LAMP2: variants seen among roughly 807,000 people sequenced by gnomAD.
The protein encoded by LAMP2 is lysosome associated membrane protein 2, also known as lysosome-associated membrane glycoprotein 2.
LAMP2 carries 4 observed loss-of-function variants against 25.6 expected under a neutral mutation model. The observed-to-expected ratio is 0.16, with a 90% CI of 0.08 to 0.36. LAMP2 has a LOEUF of 0.36. LAMP2 is among the 10% of genes least tolerant of loss of function. The pLI, the probability that LAMP2 is intolerant of heterozygous loss-of-function variation, is 1.00. For synonymous variants in LAMP2, 108 were observed against 112.7 expected, an observed-to-expected ratio of 0.96 and a Z score of 0.27; for missense variants, 272 against 301.4, an observed-to-expected ratio of 0.90 and a Z score of 0.72.
At chrX:120,432,631 T>C (rs1263726609) in intron 8 of LAMP2, among the ~76,000 whole-genome samples, 1 of 111,599 alleles carries the variant, frequency 9.0e-6, no homozygotes, top group Admixed American at 9.5e-5. Context: ...GAGGAGGAGA[T>C]AATAGAATGG....
chrX:120,428,380 G>A lies in LAMP2; in HGVS notation c.*2943C>T. 1 of 1,018,566 alleles carries A rather than the reference G, an allele frequency of 9.8e-7. No individual in the cohort carries two copies. The highest frequency in any genetic ancestry group is 1.3e-6 in the Non-Finnish European group (1 of 792,404). The allele number at this position is 1,018,566 out of a possible 1,213,427, so 83.9% of individuals were successfully genotyped here. A position where few individuals can be genotyped will look rare whatever the true frequency, so the allele number is the denominator to read the frequency against. ...GTTAGCTAGGAACTCACTGAAGTTA[G>A]TCTGCATATCTTAAACAATCTATTG... On this transcript the variant is annotated 3_prime_UTR_variant, in exon 9 of 9. Coordinates refer to ENST00000200639, the MANE Select transcript of LAMP2 (RefSeq NM_002294.3).
At position 120,455,419 on chromosome X, in the gene LAMP2, T is replaced by C. The variant is rs759658269; in HGVS notation, c.335A>G (p.Asp112Gly). The change falls in exon 3 of 9, where the codon GAC becomes GGC. Residue 112 changes from aspartate to glycine, a missense_variant. By Grantham distance (94) the Asp-to-Gly change is moderately conservative. Transcript: ENST00000200639. ...AGTGTTGTAGGAAAATGAGACGCTG[T>C]CAATTGAATAAGTAGATGCTGCCTT... is the stretch of plus-strand genomic sequence containing the variant. ...FTKAASTYSI[D>G]SVSFSYNTGD... The C allele has an allele frequency of 9.1e-6, 11 of 1,210,572 alleles. No individual in the cohort carries two copies. The highest frequency in any genetic ancestry group is 1.2e-5 in the Non-Finnish European group (11 of 894,689).
At chrX:120,458,198 T>C (rs377403896) in intron 1 of LAMP2, among the ~76,000 whole-genome samples, 2 of 112,274 alleles carry the variant, frequency 1.8e-5, no homozygotes, top group South Asian at 7.4e-4. Context: ...TTGCTTTTTA[T>C]ATGCAGTCTT....
At chrX:120,431,620 T>C (rs1319621646) in intron 8 of LAMP2, among the ~76,000 whole-genome samples, 158 bp from the exon 9 acceptor site, 1 of 112,739 alleles carries the variant, frequency 8.9e-6, no homozygotes, top group Non-Finnish European at 1.9e-5. Context: ...AATGAGATGT[T>C]CCACAAAAGT....
chrX:120,457,259 C>T (rs1010174915), intron 1 of LAMP2, among the ~76,000 whole-genome samples: 12 of 111,490 alleles, frequency 1.1e-4, no homozygotes, highest in African/African-American at 3.3e-4. Flanking sequence ...GAAACATTCA[C>T]TGCAAAAATA....
intron 8 of LAMP2, among the ~76,000 whole-genome samples, chrX:120,439,802 C>T (rs1437389285): frequency 3.6e-5 from 4 of 110,130 alleles, no homozygotes; most frequent in Non-Finnish European, 7.6e-5. Flanking sequence ...GCTAATCTAG[C>T]CCACTTTTAC....
At chrX:120,438,692 TCACACACACACACACACACA>T in intron 8 of LAMP2, 1 of 662,427 alleles carries the variant, frequency 1.5e-6, no homozygotes, top group Non-Finnish European at 1.8e-6. Flanking sequence ...CAAACAAAAA[TCACACACACACACACACACA>T]CACACACACA....
intron 7 of LAMP2, among the ~76,000 whole-genome samples, chrX:120,442,173 T>C (rs1265349510): frequency 9.9e-6 from 1 of 100,998 alleles, no homozygotes; most frequent in Non-Finnish European, 2.0e-5. Context: ...AACCTGGGAT[T>C]GAGCTGTGGT....
chrX:120,453,450 A>G (rs2058630599), intron 3 of LAMP2, among the ~76,000 whole-genome samples: 1 of 112,103 alleles, frequency 8.9e-6, no homozygotes, highest in Admixed American at 9.5e-5. Context: ...CTAAGCTACT[A>G]CAAATACCAC....
chrX:120,454,874 T>C (rs960730035), intron 3 of LAMP2, among the ~76,000 whole-genome samples: 2 of 99,992 alleles, frequency 2.0e-5, no homozygotes, highest in Non-Finnish European at 4.0e-5. Context: ...GGTAACACAC[T>C]AGGTGTGTTA....
chrX:120,434,195 A>T, intron 8 of LAMP2, among the ~76,000 whole-genome samples: 1 of 112,153 alleles, frequency 8.9e-6, no homozygotes, highest in East Asian at 2.8e-4. Context: ...TCATTAGTAG[A>T]TTAATTTCTT....
chrX:120,449,311 G>A (rs748681751), intron 3 of LAMP2, among the ~76,000 whole-genome samples, 183 bp from the exon 4 acceptor site: 11 of 112,760 alleles, frequency 9.8e-5, no homozygotes, highest in African/African-American at 3.5e-4. Flanking sequence ...GGAGTAAGGG[G>A]GAAGAAGAAA....
chrX:120,428,621 C>T lies in LAMP2; in HGVS notation c.*2702G>A. The T allele has an allele frequency of 8.5e-7, 1 of 1,180,085 alleles. No homozygotes were observed. Among genetic ancestry groups the T allele is most frequent in the East Asian group, 3.1e-5 (1 of 32,626 alleles). ...TTGAGGTCAGAGTCAGCAGAACATT[C>T]TTCAGCTGTTAGAAAAGAACAGACA... On this transcript the variant is annotated 3_prime_UTR_variant, in exon 9 of 9. Transcript: ENST00000200639.
At chrX:120,454,942 TATATATATATACACACACACTAGG>T (rs1306443221) in intron 3 of LAMP2, among the ~76,000 whole-genome samples, 1 of 99,172 alleles carries the variant, frequency 1.0e-5, no homozygotes, top group Admixed American at 1.1e-4. Context: ...AGGATATATA[TATATATATATACACACACACTAGG>T]ATATATATAT....
At chrX:120,433,006 C>T (rs1469057173) in intron 8 of LAMP2, among the ~76,000 whole-genome samples, 1 of 109,824 alleles carries the variant, frequency 9.1e-6, no homozygotes, top group African/African-American at 3.3e-5. Context: ...TGGGCAAGAA[C>T]ATTTCTCAGT....
intron 3 of LAMP2, among the ~76,000 whole-genome samples, chrX:120,454,379 T>C (rs1274498837): frequency 9.0e-6 from 1 of 111,231 alleles, no homozygotes; most frequent in Non-Finnish European, 1.9e-5. Context: ...TCAATCAAAA[T>C]CCAACCTAAA....
intron 5 of LAMP2, 53 bp from the exon 6 acceptor site, chrX:120,446,480 G>A (rs1475338970): frequency 2.0e-5 from 23 of 1,164,212 alleles, no homozygotes; most frequent in Non-Finnish European, 2.7e-5. Context: ...AAAGTGGCCA[G>A]CAAAGCCTTA....
rs2058518434 is a variant in LAMP2, at chrX:120,430,466, G to A, written c.*857C>T. On this transcript the variant is annotated 3_prime_UTR_variant, in exon 9 of 9. Coordinates refer to ENST00000200639, the MANE Select transcript of LAMP2 (RefSeq NM_002294.3). The stretch of plus-strand genomic sequence containing the variant: ...CCAGAGATCAACAAGATGAGGTAGA[G>A]AAACACAACACAATCTGTCCTAATT... The A allele has an allele frequency of 2.0e-5, 15 of 752,292 alleles. No individual in the cohort carries two copies. Among genetic ancestry groups the A allele is most frequent in the Non-Finnish European group, 2.4e-5 (15 of 637,248 alleles). 62.0% of individuals were successfully genotyped at this position (752,292 alleles called of 1,213,427 possible).
intron 2 of LAMP2, among the ~76,000 whole-genome samples, chrX:120,456,118 A>G (rs145411489): frequency 0.052 from 5,468 of 105,437 alleles, 396 homozygotes; most frequent in African/African-American, 0.18. Context: ...CTGCAGACTC[A>G]ACCTCCTGAG....
Sources: allele counts gnomAD v4.1 joint callset (sites outside exome capture counted in the v4.1 genomes callset), GRCh38; gene constraint gnomAD v4.1.1; transcripts MANE v1.5; gene names NCBI Gene and HGNC (gene_info 2026-07-23, HGNC 2026-07-21).